The following NCAPH variants were observed in gnomAD, a reference collection of about 807,000 sequenced individuals.
NCAPH encodes non-SMC condensin I complex subunit H, also known as condensin complex subunit 2.
Under a neutral mutation model 85.5 loss-of-function variants are expected in NCAPH, and 38 were observed. That is an observed-to-expected ratio of 0.44 (90% CI 0.34 to 0.58). NCAPH has a LOEUF of 0.58. Ranked by LOEUF, NCAPH falls within the 20% of genes least tolerant of loss-of-function variation. The probability of loss-of-function intolerance (pLI) is 0.01; values close to 1 mark genes in which losing one functional copy is unlikely to be tolerated. For missense variants in NCAPH, 789 were observed against 916.6 expected, an observed-to-expected ratio of 0.86 and a Z score of 1.80; for synonymous variants, 301 against 335.1, an observed-to-expected ratio of 0.90 and a Z score of 1.11.
chr2:96,376,301 GGGGCAATTTGCAATTTGCAAGAGA>G lies in NCAPH; in HGVS notation c.*2964_*2987del, dbSNP rs1357972330. On this transcript the variant is annotated 3_prime_UTR_variant, in exon 18 of 18. Transcript: ENST00000240423. Reference sequence around the variant, plus strand: ...AGAGGGAATTGCAATTTGCAAGAGAGGGGCAATTTGCAATTTGCAAGAGAGGGCAATTTGCAAGAGAGAATTGTG... The same window carrying G: ...AGAGGGAATTGCAATTTGCAAGAGAGGGGCAATTTGCAAGAGAGAATTGTG... 3.0e-4 allele frequency among the ~76,000 whole-genome samples: 46 copies of G among 152,254 alleles called. No individual in the cohort carries two copies. The highest frequency in any genetic ancestry group is 1.1e-3 in the Admixed American group (17 of 15,292).
At chr2:96,357,164 G>A (rs1489897875) in intron 9 of NCAPH, among the ~76,000 whole-genome samples, 1 of 152,214 alleles carries the variant, frequency 6.6e-6, no homozygotes, top group Non-Finnish European at 1.5e-5. Flanking sequence ...GCTGCATGCT[G>A]CCTGATGTGC....
intron 6 of NCAPH, among the ~76,000 whole-genome samples, chr2:96,345,018 T>C (rs1009442310): frequency 6.6e-6 from 1 of 152,156 alleles, no homozygotes; most frequent in African/African-American, 2.4e-5. Context: ...CTCCACAACA[T>C]TCATAAATGG....
rs554387316 is a variant in NCAPH at position 96,364,022 on chromosome 2, A to G, written c.1588-459A>G. ...ACTGTGTTGCCCAACGCTAGTCTCAAAATTCCTAGGCTCAAGCAGTTCTCC... is the reference window on the plus strand; with the variant it reads ...ACTGTGTTGCCCAACGCTAGTCTCAGAATTCCTAGGCTCAAGCAGTTCTCC... On this transcript the variant is annotated intron_variant, in intron 12 of 17. Transcript: ENST00000240423. Among the ~76,000 whole-genome samples the G allele has an allele frequency of 7.2e-5, 11 of 152,170 alleles. No homozygotes were observed. In the South Asian group the frequency reaches 1.0e-3, roughly 14 times the overall value.
chr2:96,364,517 G>C lies in NCAPH; in HGVS notation c.1624G>C (p.Glu542Gln). ...GGCCCAGGGCCATAGGGTAGAGACT[G>C]AGCATTATGAAGAAATTGAAGACTA... ...KMAQGHRVET[E>Q]HYEEIEDYDY... is the part of the protein sequence containing the mutation. Residue 542 changes from glutamate to glutamine, a missense_variant, in exon 13 of 18, where the codon GAG becomes CAG. By Grantham distance (29) the Glu-to-Gln change is conservative. Coordinates refer to ENST00000240423, the MANE Select transcript of NCAPH (RefSeq NM_015341.5). The C allele has an allele frequency of 6.2e-7, 1 of 1,613,544 alleles. No individual in the cohort carries two copies. The highest frequency in any genetic ancestry group is 8.5e-7 in the Non-Finnish European group (1 of 1,179,490).
chr2:96,375,371 A>T lies in NCAPH; in HGVS notation c.*2020A>T, dbSNP rs572041871. ...GTCTAAAATTCACATGTTGGTATTA[A>T]GAGATAGGGCCTTTGGGAGGTGATT... On this transcript the variant is annotated 3_prime_UTR_variant, in exon 18 of 18. Coordinates refer to ENST00000240423, the MANE Select transcript of NCAPH (RefSeq NM_015341.5). Among the ~76,000 whole-genome samples the T allele has an allele frequency of 6.6e-6, 1 of 152,180 alleles. No homozygotes were observed. The highest frequency in any genetic ancestry group is 1.5e-5 in the Non-Finnish European group (1 of 68,048).
rs1052208807 is a variant in NCAPH at position 96,351,362 on chromosome 2, A to C, written c.721-469A>C. Among the ~76,000 whole-genome samples the C allele has an allele frequency of 2.0e-5, 3 of 152,138 alleles. 1 individual carries two copies. In the East Asian group the frequency reaches 5.8e-4, roughly 29 times the overall value. On this transcript the variant is annotated intron_variant, in intron 6 of 17. Coordinates refer to ENST00000240423, the MANE Select transcript of NCAPH (RefSeq NM_015341.5). ...AGCCTTTCTTTTGAACCGGGATTTTATCTGCTCAATTAGAAAGCCACTTTT... is the reference window on the plus strand; with the variant it reads ...AGCCTTTCTTTTGAACCGGGATTTTCTCTGCTCAATTAGAAAGCCACTTTT...
At chr2:96,354,017 C>G (rs764160236) in intron 8 of NCAPH, among the ~76,000 whole-genome samples, 166 bp from the exon 9 acceptor site, 1 of 152,122 alleles carries the variant, frequency 6.6e-6, no homozygotes, top group Non-Finnish European at 1.5e-5. Flanking sequence ...ACTGTACTAT[C>G]GTGAGAGTCT....
intron 1 of NCAPH, among the ~76,000 whole-genome samples, chr2:96,337,930 C>G (rs1232446834): frequency 6.6e-6 from 1 of 150,692 alleles, no homozygotes; most frequent in Non-Finnish European, 1.5e-5. Context: ...CTCCAACAAC[C>G]CTTTTTTTTT....
intron 2 of NCAPH, 59 bp downstream of exon 2, chr2:96,341,953 G>A (rs2064301859): frequency 6.2e-7 from 1 of 1,605,722 alleles, no homozygotes; most frequent in East Asian, 2.2e-5. Flanking sequence ...GGCTGCGTAG[G>A]TCCAGGCATC....
chr2:96,369,766 T>C (rs1413954400), intron 17 of NCAPH, among the ~76,000 whole-genome samples: 1 of 152,196 alleles, frequency 6.6e-6, no homozygotes, highest in African/African-American at 2.4e-5. Flanking sequence ...TTCCCCAGCC[T>C]AAGAACACGA....
intron 6 of NCAPH, among the ~76,000 whole-genome samples, chr2:96,347,771 T>TA (rs1227839392): frequency 6.6e-6 from 1 of 152,166 alleles, no homozygotes; most frequent in Non-Finnish European, 1.5e-5. Context: ...CCAGTGTTCT[T>TA]ACAGCAGATG....
intron 17 of NCAPH, among the ~76,000 whole-genome samples, chr2:96,371,929 G>A (rs773941146): frequency 1.3e-5 from 2 of 152,226 alleles, no homozygotes; most frequent in African/African-American, 2.4e-5. Context: ...CAGGCAGTGT[G>A]TGGGGCTTAG....
intron 17 of NCAPH, among the ~76,000 whole-genome samples, chr2:96,372,707 C>T (rs1293384167): frequency 6.6e-6 from 1 of 152,068 alleles, no homozygotes; most frequent in Non-Finnish European, 1.5e-5. Context: ...TACTGCAGTG[C>T]TTGTGTTCCA....
chr2:96,350,781 G>T (rs547973165), intron 6 of NCAPH, among the ~76,000 whole-genome samples: 1 of 152,288 alleles, frequency 6.6e-6, no homozygotes, highest in East Asian at 1.9e-4. Context: ...CATCTGTGTT[G>T]TCCTATCCAA....
At position 96,342,888 on chromosome 2, in the gene NCAPH, T is replaced by A. The variant is rs771108584; in HGVS notation, c.456+40T>A. 10 of 1,529,978 alleles carry A rather than the reference T, an allele frequency of 6.5e-6. No individual in the cohort carries two copies. In the African/African-American group the frequency reaches 1.2e-4, roughly 19 times the overall value. The allele number at this position is 1,529,978 out of a possible 1,614,324, so 94.8% of individuals were successfully genotyped here. Reference sequence around the variant, plus strand: ...CACTTTCTCTTGCATCTGAATTAAATGATGATGATTTCTACTACTTGGCAT... The same window carrying A: ...CACTTTCTCTTGCATCTGAATTAAAAGATGATGATTTCTACTACTTGGCAT... On this transcript the variant is annotated intron_variant, in intron 4 of 17. Transcript: ENST00000240423.
chr2:96,376,856 TCTA>T lies in NCAPH; in HGVS notation c.*3509_*3511del, dbSNP rs1195540132. Among the ~76,000 whole-genome samples the T allele has an allele frequency of 1.2e-4, 19 of 152,198 alleles. No individual in the cohort carries two copies. In the East Asian group the frequency reaches 2.9e-3, roughly 23 times the overall value. ...CCAAAAGAAAAAAAAATGAATAAGA[TCTA>T]CTATTTGATAGCACAATAGGGTGAC... is the stretch of plus-strand genomic sequence containing the variant. On this transcript the variant is annotated 3_prime_UTR_variant, in exon 18 of 18. Transcript: ENST00000240423.
intron 5 of NCAPH, 50 bp from the exon 6 acceptor site, chr2:96,344,055 A>G (rs2064331148): frequency 6.4e-7 from 1 of 1,574,800 alleles, no homozygotes; most frequent in Admixed American, 1.9e-5. Flanking sequence ...TAAGTTCATC[A>G]CATGCTTCAA....
At chr2:96,351,692 C>T in intron 6 of NCAPH, 139 bp from the exon 7 acceptor site, 1 of 369,558 alleles carries the variant, frequency 2.7e-6, no homozygotes, top group South Asian at 6.8e-5. Flanking sequence ...AAAACAAAAA[C>T]AAACCACTTT....
chr2:96,358,949 C>G (rs2064565647), intron 9 of NCAPH, 96 bp from the exon 10 acceptor site: 1 of 1,222,064 alleles, frequency 8.2e-7, no homozygotes, highest in Admixed American at 2.4e-5. Context: ...TTGTATTGGA[C>G]TCACAGAAAT....
Sources: allele counts gnomAD v4.1 joint callset (sites outside exome capture counted in the v4.1 genomes callset), GRCh38; gene constraint gnomAD v4.1.1; transcripts MANE v1.5; gene names NCBI Gene and HGNC (gene_info 2026-07-23, HGNC 2026-07-21).